Variants in MAST2 observed in about 807,000 individuals in gnomAD.
MAST2 encodes the protein microtubule-associated serine/threonine-protein kinase 2.
In MAST2, 70 loss-of-function variants were observed where a neutral mutation model predicts 147.4. That is an observed-to-expected ratio of 0.47 (90% CI 0.39 to 0.58). The LOEUF (loss-of-function observed/expected upper bound fraction) is 0.58, where lower values mean the gene tolerates loss of function less well. MAST2 is among the 20% of genes least tolerant of loss of function. The probability of loss-of-function intolerance (pLI) is 0.00; values close to 1 mark genes in which losing one functional copy is unlikely to be tolerated. For missense variants in MAST2, 2,080 were observed against 2,302.3 expected (o/e 0.90, Z 1.98); for synonymous variants, 869 against 896.8 (o/e 0.97, Z 0.55).
chr1:45,829,378 T>G, intron 2 of MAST2, 61 bp from the exon 3 acceptor site: 1 of 1,474,954 alleles, frequency 6.8e-7, no homozygotes, highest in South Asian at 1.2e-5. Context: ...TGTATTTGTA[T>G]TTTTTCATTT....
rs75726851 is a variant in MAST2 at position 45,919,308 on chromosome 1, G to C, written c.500+36913G>C. ...GCTCTGGGGCAAGTTTTAGAGGTTG[G>C]GGCGATAGTGAGGAATTAGACTAAA... is the stretch of plus-strand genomic sequence containing the variant. On this transcript the variant is annotated intron_variant, in intron 4 of 28. Transcript: ENST00000361297. 5.7e-4 allele frequency among the ~76,000 whole-genome samples: 87 copies of C among 152,118 alleles called. No individual in the cohort carries two copies. The East Asian group carries it at 0.013, about 23-fold the overall frequency.
At chr1:45,818,418 C>A (rs1230351470) in intron 1 of MAST2, among the ~76,000 whole-genome samples, 4 of 152,134 alleles carry the variant, frequency 2.6e-5, no homozygotes, top group Non-Finnish European at 5.9e-5. Context: ...GTCCACTTTT[C>A]CTTGCATGTC....
At chr1:45,994,252 A>T (rs1160340312) in intron 5 of MAST2, among the ~76,000 whole-genome samples, 2 of 148,658 alleles carry the variant, frequency 1.3e-5, no homozygotes, top group East Asian at 4.0e-4. Flanking sequence ...ACTGATAGCA[A>T]GTGGCTCAAA....
At chr1:46,030,515 A>C in intron 21 of MAST2, 92 bp from the exon 22 acceptor site, 2 of 1,459,652 alleles carry the variant, frequency 1.4e-6, no homozygotes, top group Non-Finnish European at 1.8e-6. Flanking sequence ...GACTGGTTCA[A>C]ATTCCTAGGT....
intron 4 of MAST2, among the ~76,000 whole-genome samples, chr1:45,897,775 C>T (rs1298051157): frequency 1.3e-5 from 2 of 151,350 alleles, no homozygotes; most frequent in African/African-American, 4.9e-5. Flanking sequence ...CGCCGCTGCA[C>T]TCCAGCCTGG....
intron 1 of MAST2, among the ~76,000 whole-genome samples, chr1:45,813,577 C>G (rs546999731): frequency 1.6e-3 from 248 of 151,024 alleles, no homozygotes; most frequent in African/African-American, 5.5e-3. Context: ...TGGCTCACTG[C>G]AACCTCTGCC....
intron 4 of MAST2, among the ~76,000 whole-genome samples, chr1:45,937,069 T>C (rs761033496): frequency 6.7e-6 from 1 of 149,582 alleles, no homozygotes; most frequent in Non-Finnish European, 1.5e-5. Context: ...CCAGTCACTT[T>C]TGTTTTTATT....
intron 10 of MAST2, among the ~76,000 whole-genome samples, chr1:46,012,299 G>C (rs773589195): frequency 1.3e-5 from 2 of 152,202 alleles, no homozygotes; most frequent in Non-Finnish European, 2.9e-5. Flanking sequence ...TCAGAGCCTT[G>C]CCCAAAACCT....
intron 3 of MAST2, among the ~76,000 whole-genome samples, chr1:45,866,044 G>A (rs907606060): frequency 6.6e-6 from 1 of 152,020 alleles, no homozygotes; most frequent in Non-Finnish European, 1.5e-5. Context: ...AATACCTAAG[G>A]ATTTTAAAAT....
chr1:45,907,054 G>A lies in MAST2; in HGVS notation c.500+24659G>A, dbSNP rs377196408. ...CAATACCATATAGCCTATGTGTGTGGTAGGCTATACCATCTAGGTTTATGC... is the reference window on the plus strand; with the variant it reads ...CAATACCATATAGCCTATGTGTGTGATAGGCTATACCATCTAGGTTTATGC... On this transcript the variant is annotated intron_variant, in intron 4 of 28. Transcript: ENST00000361297. Among the ~76,000 whole-genome samples the A allele has an allele frequency of 4.0e-4, 61 of 152,274 alleles. 1 individual carries two copies. In the South Asian group the frequency reaches 0.012, roughly 29 times the overall value.
At chr1:45,970,598 G>A (rs922560866) in intron 5 of MAST2, among the ~76,000 whole-genome samples, 24 of 146,800 alleles carry the variant, frequency 1.6e-4, no homozygotes, top group Middle Eastern at 3.7e-3. Context: ...AACCCAGGAG[G>A]CAGAGCTTGC....
chr1:45,953,227 T>A (rs1659189130), intron 4 of MAST2, among the ~76,000 whole-genome samples: 1 of 105,416 alleles, frequency 9.5e-6, no homozygotes, highest in Non-Finnish European at 2.1e-5. Context: ...AGAGCAGAGG[T>A]TAAAAAAAAA....
chr1:45,883,911 T>TTCCCC (rs1491218010), intron 4 of MAST2, among the ~76,000 whole-genome samples: 2 of 482 alleles, frequency 4.1e-3, no homozygotes, highest in African/African-American at 8.6e-3. Context: ...CTACTATTTC[T>TTCCCC]GCCCCCCCCG....
chr1:45,847,083 T>C, intron 3 of MAST2: 1 of 459,746 alleles, frequency 2.2e-6, no homozygotes. Flanking sequence ...TATAATAGTT[T>C]TCCTCTTGCA....
intron 5 of MAST2, among the ~76,000 whole-genome samples, chr1:45,970,798 G>GGT (rs1553249315): frequency 1.5e-5 from 2 of 130,710 alleles, no homozygotes; most frequent in African/African-American, 5.7e-5. Flanking sequence ...ACTAAGAAGT[G>GGT]TTTTTTTTTT....
At chr1:45,856,126 A>G (rs762091025) in intron 3 of MAST2, among the ~76,000 whole-genome samples, 24 of 152,180 alleles carry the variant, frequency 1.6e-4, no homozygotes, top group Non-Finnish European at 2.8e-4. Context: ...TGAAGAAGAC[A>G]GTTCTGAAGA....
intron 3 of MAST2, chr1:45,847,659 T>G (rs1021998430): frequency 2.4e-6 from 1 of 413,932 alleles, no homozygotes; most frequent in Non-Finnish European, 4.6e-6. Context: ...ACCCAGGCAG[T>G]CTCACCAACC....
At chr1:45,865,547 A>C (rs1453502255) in intron 3 of MAST2, among the ~76,000 whole-genome samples, 1 of 152,080 alleles carries the variant, frequency 6.6e-6, no homozygotes, top group Non-Finnish European at 1.5e-5. Flanking sequence ...AGTTTTAAGA[A>C]CTTTTCTAAA....
intron 1 of MAST2, among the ~76,000 whole-genome samples, chr1:45,822,911 T>C (rs1644680270): frequency 6.6e-6 from 1 of 152,232 alleles, no homozygotes; most frequent in South Asian, 2.1e-4. Flanking sequence ...CATTAAGTTC[T>C]ATTTCCTGTT....
Sources: gnomAD v4.1 joint callset for allele counts (sites outside exome capture counted in the v4.1 genomes callset) on GRCh38, gnomAD v4.1.1 for gene constraint, MANE v1.5 for transcripts, NCBI Gene and HGNC (gene_info 2026-07-23, HGNC 2026-07-21) for gene names.